Variants in UIMC1 observed in about 807,000 individuals in gnomAD.
UIMC1 encodes the protein ubiquitin interaction motif containing 1, also known as BRCA1-A complex subunit RAP80.
In UIMC1, 42 loss-of-function variants were observed where a neutral mutation model predicts 84.9. The ratio of observed to expected loss-of-function variants is 0.49; its 90% confidence interval spans 0.39 to 0.64. The LOEUF is 0.64. UIMC1 is among the 30% of genes least tolerant of loss of function. The pLI is 0.00. For synonymous variants in UIMC1, 281 were observed against 293.0 expected (o/e 0.96, Z 0.42); for missense variants, 825 against 847.6 (o/e 0.97, Z 0.33).
At chr5:176,969,494 T>C (rs1324022211) in intron 5 of UIMC1, 107 bp downstream of exon 5, 2 of 1,312,388 alleles carry the variant, frequency 1.5e-6, no homozygotes. Context: ...ACTTCTTTAT[T>C]ATCACCAAAA....
Position 176,982,565 on chromosome 5 carries a change from C to A in UIMC1, c.51G>T (p.Leu17=). The A allele has an allele frequency of 6.2e-7, 1 of 1,614,150 alleles. No individual in the cohort carries two copies. The highest frequency in any genetic ancestry group is 8.5e-7 in the Non-Finnish European group (1 of 1,180,024). Residue 17 remains leucine, a synonymous_variant, in exon 2 of 15, where the codon CTG becomes CTT. Coordinates refer to ENST00000511320, the MANE Select transcript of UIMC1 (RefSeq NM_001199298.2). The part of the protein sequence containing the change: ...KVKEVSESRN[L]EKKDVETTSS... ...TGGTAGTTTCCACATCCTTCTTCTC[C>A]AGGTTCCGAGATTCGGAGACTTCTT... is the stretch of plus-strand genomic sequence containing the variant.
chr5:176,949,222 A>C (rs1329339319), intron 9 of UIMC1, among the ~76,000 whole-genome samples: 3 of 152,128 alleles, frequency 2.0e-5, no homozygotes, highest in Admixed American at 2.0e-4. Context: ...GCACCCTTTT[A>C]ATGCAAACTT....
chr5:176,940,023 G>A (rs995898846), intron 10 of UIMC1, among the ~76,000 whole-genome samples: 7 of 152,268 alleles, frequency 4.6e-5, no homozygotes, highest in Admixed American at 3.3e-4. Context: ...GCAGAACAAG[G>A]AGAACGTGAA....
chr5:176,971,795 G>A (rs1561853717), intron 3 of UIMC1, among the ~76,000 whole-genome samples: 2 of 152,120 alleles, frequency 1.3e-5, no homozygotes, highest in East Asian at 3.9e-4. Context: ...TGTAATCCCA[G>A]CTACTTGGGA....
rs527870798 is a variant in UIMC1, at chr5:176,940,753, T to C, written c.1597+2582A>G. ...GACCCTTAAAAAAAAATCTCTGACA[T>C]AGTAATTTCACTACTGGGAATGGTA... On this transcript the variant is annotated intron_variant, in intron 10 of 14. Transcript: ENST00000511320. 5.3e-5 allele frequency among the ~76,000 whole-genome samples: 8 copies of C among 152,340 alleles called. No homozygotes were observed. The South Asian group carries it at 1.7e-3, about 32-fold the overall frequency.
chr5:176,919,553 T>C (rs1181921779), intron 10 of UIMC1, among the ~76,000 whole-genome samples: 1 of 152,168 alleles, frequency 6.6e-6, no homozygotes, highest in African/African-American at 2.4e-5. Flanking sequence ...GGTGGGACTC[T>C]AAGGATCCTC....
Position 176,912,815 on chromosome 5 carries a change from C to A in UIMC1, c.1598-1426G>T, listed in dbSNP as rs377765749. Among the ~76,000 whole-genome samples, 267 of 152,108 alleles carry A rather than the reference C, an allele frequency of 1.8e-3. 4 individuals are homozygous for A. The highest frequency in any genetic ancestry group is 7.5e-3 in the South Asian group (36 of 4,820). On this transcript the variant is annotated intron_variant, in intron 10 of 14. Transcript: ENST00000511320. ...TGAGTAGCTGGGATTTACAGGCGCCCGCCACGACGCCCAGCTAATTTTTTG... is the reference window on the plus strand; with the variant it reads ...TGAGTAGCTGGGATTTACAGGCGCCAGCCACGACGCCCAGCTAATTTTTTG...
chr5:176,992,483 TAAGTA>T (rs1254749329), intron 1 of UIMC1, among the ~76,000 whole-genome samples: 1 of 151,178 alleles, frequency 6.6e-6, no homozygotes, highest in Non-Finnish European at 1.5e-5. Context: ...AAAAGGTGAC[TAAGTA>T]AATAAAGCTT....
At chr5:177,019,044 T>C (rs11954635) in intron 1 of UIMC1, among the ~76,000 whole-genome samples, 21,570 of 152,144 alleles carry the variant, frequency 0.14, 3,295 homozygotes, top group African/African-American at 0.38. Context: ...AAGTAGTTTG[T>C]GACCATCCTG....
upstream of UIMC1, among the ~76,000 whole-genome samples, chr5:177,009,237 G>T (rs1775492251): frequency 6.6e-6 from 1 of 151,768 alleles, no homozygotes; most frequent in African/African-American, 2.4e-5. The surrounding 1 kb of genome is among the most constrained non-coding windows in gnomAD (Gnocchi z 4.3). Flanking sequence ...TCAAACTCCT[G>T]GGCACAAGTG....
Position 176,943,417 on chromosome 5 carries a change from G to A in UIMC1, c.1515C>T (p.Cys505=), listed in dbSNP as rs777634675. 4 of 1,614,188 alleles carry A rather than the reference G, an allele frequency of 2.5e-6. No individual in the cohort carries two copies. In the Admixed American group the frequency reaches 5.0e-5, roughly 20 times the overall value. Residue 505 remains cysteine (C), a synonymous_variant, in exon 10 of 15, where the codon TGC becomes TGT. Transcript: ENST00000511320. ...GTGGAAAGCATTGGTCACATAGCGG[G>A]CAGGATACCTGGTTACTGGATGAGA... The part of the protein sequence containing the change: ...STFSSSNQVS[C]PLCDQCFPPT...
At chr5:176,931,927 C>T (rs767242338) in intron 10 of UIMC1, among the ~76,000 whole-genome samples, 2 of 152,084 alleles carry the variant, frequency 1.3e-5, no homozygotes, top group Non-Finnish European at 2.9e-5. Context: ...GAGCCGAGAT[C>T]GCACCAATGC....
intron 10 of UIMC1, among the ~76,000 whole-genome samples, 188 bp downstream of exon 10, chr5:176,943,147 C>T (rs1217401418): frequency 6.6e-6 from 1 of 151,974 alleles, no homozygotes; most frequent in Non-Finnish European, 1.5e-5. Context: ...TGTAACAGGA[C>T]AAAATACCTG....
rs539633888 is a variant in UIMC1 at position 176,914,648 on chromosome 5, G to A, written c.1598-3259C>T. Among the ~76,000 whole-genome samples the A allele has an allele frequency of 5.9e-5, 9 of 152,288 alleles. No individual in the cohort carries two copies. The South Asian group carries it at 1.9e-3, about 32-fold the overall frequency. On this transcript the variant is annotated intron_variant, in intron 10 of 14. Transcript: ENST00000511320. ...AACTAGTAATAGTGTTTGCCTCTGC[G>A]GAGGATGACAGGAATACTTGAAGAC...
At chr5:176,953,591 G>A (rs1169345848) in intron 8 of UIMC1, among the ~76,000 whole-genome samples, 1 of 149,948 alleles carries the variant, frequency 6.7e-6, no homozygotes, top group Non-Finnish European at 1.5e-5. Context: ...TTCCCTAAAG[G>A]TATTTTCAAA....
At chr5:176,946,567 G>C (rs1391452787) in intron 9 of UIMC1, among the ~76,000 whole-genome samples, 5 of 151,892 alleles carry the variant, frequency 3.3e-5, no homozygotes, top group Non-Finnish European at 5.9e-5. Context: ...AGGTGCGATG[G>C]CTCACGCTTA....
intron 1 of UIMC1, among the ~76,000 whole-genome samples, chr5:176,986,350 A>G (rs1771983449): frequency 8.5e-6 from 1 of 117,646 alleles, no homozygotes; most frequent in Non-Finnish European, 1.7e-5. Flanking sequence ...CCAGAGTAAG[A>G]CTTCATCTCA....
At chr5:176,941,884 C>A (rs1399109095) in intron 10 of UIMC1, among the ~76,000 whole-genome samples, 1 of 151,948 alleles carries the variant, frequency 6.6e-6, no homozygotes, top group Non-Finnish European at 1.5e-5. Flanking sequence ...ACTCTTGTTG[C>A]CCAGGCTGGA....
chr5:176,932,388 T>C (rs1169203294), intron 10 of UIMC1, among the ~76,000 whole-genome samples: 1 of 152,206 alleles, frequency 6.6e-6, no homozygotes, highest in Non-Finnish European at 1.5e-5. Context: ...TTTGTATTAT[T>C]TGTGAAAGTT....
Sources: allele counts gnomAD v4.1 joint callset (sites outside exome capture counted in the v4.1 genomes callset), GRCh38; gene constraint gnomAD v4.1.1; non-coding constraint Gnocchi (gnomAD v3.1); transcripts MANE v1.5; gene names NCBI Gene and HGNC (gene_info 2026-07-23, HGNC 2026-07-21).